The following CADM2 variants were observed in gnomAD, a reference collection of about 807,000 sequenced individuals.
The protein encoded by CADM2 is cell adhesion molecule 2, also known as immunoglobulin superfamily member 4D.
In CADM2, 12 loss-of-function variants were observed where a neutral mutation model predicts 49.8. The observed-to-expected ratio is 0.24, with a 90% CI of 0.15 to 0.39. The LOEUF (loss-of-function observed/expected upper bound fraction) is 0.39. Ranked by LOEUF, CADM2 falls within the 10% of genes least tolerant of loss-of-function variation. CADM2 has a pLI of 1.00. For missense variants in CADM2, 378 were observed against 492.3 expected (o/e 0.77, Z 2.20); for synonymous variants, 214 against 175.4 (o/e 1.22, Z -1.74).
intron 7 of CADM2, among the ~76,000 whole-genome samples, chr3:85,960,990 G>A (rs1400749213): frequency 6.8e-6 from 1 of 146,056 alleles, no homozygotes; most frequent in Non-Finnish European, 1.5e-5. Flanking sequence ...ATTATAATAA[G>A]TATTATTTAG....
At chr3:85,404,920 T>C (rs2035299176) in intron 1 of CADM2, among the ~76,000 whole-genome samples, 1 of 152,014 alleles carries the variant, frequency 6.6e-6, no homozygotes, top group Non-Finnish European at 1.5e-5. Context: ...ATGAAAAGAG[T>C]TTAGCAGTTT....
chr3:85,436,347 A>G (rs901423740), intron 1 of CADM2, among the ~76,000 whole-genome samples: 1 of 152,150 alleles, frequency 6.6e-6, no homozygotes, highest in Non-Finnish European at 1.5e-5. Flanking sequence ...TTTTCTAAAT[A>G]TACGATCATG....
At chr3:85,700,422 T>G (rs2066718805) in intron 1 of CADM2, among the ~76,000 whole-genome samples, 1 of 152,096 alleles carries the variant, frequency 6.6e-6, no homozygotes, top group Admixed American at 6.6e-5. Flanking sequence ...CACCATGGCA[T>G]GTGTATGCCT....
At chr3:85,569,572 C>T (rs1223165540) in intron 1 of CADM2, among the ~76,000 whole-genome samples, 1 of 151,984 alleles carries the variant, frequency 6.6e-6, no homozygotes, top group Non-Finnish European at 1.5e-5. Flanking sequence ...CACATCTTTG[C>T]CAGCATTTGG....
chr3:85,679,814 C>A (rs1335847346), intron 1 of CADM2, among the ~76,000 whole-genome samples: 1 of 151,992 alleles, frequency 6.6e-6, no homozygotes, highest in Admixed American at 6.6e-5. Context: ...TGAATAAAAA[C>A]CATAGATTTT....
intron 1 of CADM2, among the ~76,000 whole-genome samples, chr3:85,399,764 T>C (rs2035000502): frequency 6.6e-6 from 1 of 152,176 alleles, no homozygotes. Flanking sequence ...CACTCATGAT[T>C]TGGCTCTCTG....
At chr3:85,066,714 A>T (rs1270885831) in intron 1 of CADM2, among the ~76,000 whole-genome samples, 2 of 152,128 alleles carry the variant, frequency 1.3e-5, no homozygotes, top group East Asian at 1.9e-4. Flanking sequence ...AAATCTCATT[A>T]GTTCTTCAAA....
At chr3:85,972,048 G>A (rs1352920953) in intron 8 of CADM2, among the ~76,000 whole-genome samples, 1 of 151,588 alleles carries the variant, frequency 6.6e-6, no homozygotes, top group Non-Finnish European at 1.5e-5. Context: ...CTATATGACT[G>A]TTGAGGAGGA....
intron 2 of CADM2, among the ~76,000 whole-genome samples, chr3:85,793,342 A>C (rs2071445144): frequency 6.6e-6 from 1 of 152,218 alleles, no homozygotes; most frequent in South Asian, 2.1e-4. Flanking sequence ...CAGCCAAAGA[A>C]AAACTAGCAA....
intron 1 of CADM2, among the ~76,000 whole-genome samples, chr3:85,115,881 C>A (rs1322293224): frequency 6.6e-6 from 1 of 152,066 alleles, no homozygotes; most frequent in Non-Finnish European, 1.5e-5. Flanking sequence ...TCATCCAGTG[C>A]CTCTTGTACG....
At chr3:85,133,672 G>C (rs1646874871) in intron 1 of CADM2, among the ~76,000 whole-genome samples, 1 of 152,218 alleles carries the variant, frequency 6.6e-6, no homozygotes, top group Admixed American at 6.5e-5. Context: ...TAGACACAGG[G>C]TGCTGACTGG....
At chr3:85,416,115 T>C (rs1463278361) in intron 1 of CADM2, among the ~76,000 whole-genome samples, 1 of 152,138 alleles carries the variant, frequency 6.6e-6, no homozygotes, top group Admixed American at 6.5e-5. Flanking sequence ...AATAGCTAGA[T>C]GAACCTTATG....
chr3:86,001,922 G>A (rs1048694835), intron 8 of CADM2, among the ~76,000 whole-genome samples: 2 of 151,958 alleles, frequency 1.3e-5, no homozygotes, highest in Non-Finnish European at 2.9e-5. Flanking sequence ...AATTTCCCAG[G>A]GTCATTATGG....
chr3:85,842,429 C>G (rs967448830), intron 3 of CADM2, among the ~76,000 whole-genome samples: 5 of 152,114 alleles, frequency 3.3e-5, no homozygotes, highest in African/African-American at 1.2e-4. Flanking sequence ...ACCAGGACAG[C>G]TGCTATTTTT....
At chr3:85,579,159 T>C (rs931405033) in intron 1 of CADM2, among the ~76,000 whole-genome samples, 3 of 152,180 alleles carry the variant, frequency 2.0e-5, no homozygotes, top group African/African-American at 7.2e-5. Context: ...TATAAGTAGA[T>C]TTGAGCAAAT....
intron 1 of CADM2, chr3:84,960,138 C>A: frequency 5.8e-6 from 1 of 173,120 alleles, no homozygotes; most frequent in South Asian, 1.5e-4. Flanking sequence ...TCATCATATC[C>A]GTGTGTCTTT....
Position 85,859,120 on chromosome 3 carries a change from C to T in CADM2, c.239-24171C>T, listed in dbSNP as rs145114431. 7.1e-3 allele frequency among the ~76,000 whole-genome samples: 1,075 copies of T among 151,836 alleles called. 16 individuals carry two copies. The highest frequency in any genetic ancestry group is 0.023 in the African/African-American group (947 of 41,406). Reference sequence around the variant, plus strand: ...AAAAAGTAATAAACGTTATTCACAACCCATTACTCACACACTAACCCTATT... The same window carrying T: ...AAAAAGTAATAAACGTTATTCACAATCCATTACTCACACACTAACCCTATT... On this transcript the variant is annotated intron_variant, in intron 3 of 9. Coordinates refer to ENST00000383699, the MANE Select transcript of CADM2 (RefSeq NM_001167675.2).
chr3:85,235,028 T>C lies in CADM2; in HGVS notation c.61+275360T>C, dbSNP rs146338401. On this transcript the variant is annotated intron_variant, in intron 1 of 9. Transcript: ENST00000383699. ...GTTTGCATTATTAGTGACCTCTCTC[T>C]CTCTCTTTCTCTCTCTGTCTCTCTC... Among the ~76,000 whole-genome samples, 993 of 152,156 alleles carry C rather than the reference T, an allele frequency of 6.5e-3. 4 individuals are homozygous for C. Among genetic ancestry groups the C allele is most frequent in the Middle Eastern group, 0.041 (12 of 294 alleles).
At chr3:85,006,264 G>T (rs572491459) in intron 1 of CADM2, among the ~76,000 whole-genome samples, 2 of 152,088 alleles carry the variant, frequency 1.3e-5, no homozygotes, top group Admixed American at 6.6e-5. Flanking sequence ...TAATCAAAGG[G>T]CATAATTTGT....
Sources: gnomAD v4.1 joint callset for allele counts (sites outside exome capture counted in the v4.1 genomes callset) on GRCh38, gnomAD v4.1.1 for gene constraint, MANE v1.5 for transcripts, NCBI Gene and HGNC (gene_info 2026-07-23, HGNC 2026-07-21) for gene names.